The following ELAPOR1 variants were observed in gnomAD, a reference collection of about 807,000 sequenced individuals.
The protein encoded by ELAPOR1 is endosome-lysosome associated apoptosis and autophagy regulator 1.
ELAPOR1 carries 77 observed loss-of-function variants against 119.7 expected under a neutral mutation model. The ratio of observed to expected loss-of-function variants is 0.64; its 90% CI spans 0.54 to 0.78. The LOEUF (loss-of-function observed/expected upper bound fraction) is 0.78. Among genes scored for constraint, ELAPOR1 ranks in the 30% least tolerant of loss-of-function variants. The probability of loss-of-function intolerance (pLI) is 0.00; values close to 1 mark genes in which losing one functional copy is unlikely to be tolerated. For synonymous variants in ELAPOR1, 481 were observed against 487.2 expected (o/e 0.99, Z 0.17); for missense variants, 1,115 against 1,270.4 (o/e 0.88, Z 1.86).
At position 109,199,908 on chromosome 1, in the gene ELAPOR1, C is replaced by G. The variant is rs369462373; in HGVS notation, c.2556C>G (p.Ser852Arg). The change falls in exon 19 of 22, where the codon AGC becomes AGG. Residue 852 changes from serine (S) to arginine (R), a missense_variant. Transcript: ENST00000369939. ...GCAACTTCCACTTCCTGTGGGAGAG[C>G]GCGGCTGCTTGCCCGCTCTGCTCAG... ...DGCNFHFLWESAAACPLCSVA... is the reference protein window; with the variant it reads ...DGCNFHFLWERAAACPLCSVA... 2 of 1,613,806 alleles carry G rather than the reference C, an allele frequency of 1.2e-6. No individual in the cohort carries two copies. The highest frequency in any genetic ancestry group is 1.7e-5 in the Admixed American group (1 of 60,018).
chr1:109,161,634 C>T (rs1267397622), intron 1 of ELAPOR1: 1 of 287,062 alleles, frequency 3.5e-6, no homozygotes, highest in East Asian at 5.8e-5. Flanking sequence ...TCCATAAGGA[C>T]ACTACTTAAA....
chr1:109,122,637 G>A (rs561715399), intron 1 of ELAPOR1, among the ~76,000 whole-genome samples: 1 of 151,734 alleles, frequency 6.6e-6, no homozygotes, highest in African/African-American at 2.4e-5. Context: ...CTCCAGCATG[G>A]GCAACACAGT....
chr1:109,202,270 A>T (rs1450920199), intron 21 of ELAPOR1, among the ~76,000 whole-genome samples: 1 of 147,582 alleles, frequency 6.8e-6, no homozygotes, highest in Non-Finnish European at 1.5e-5. Context: ...TTGCCATCAC[A>T]CCTGGCTAAT....
intron 1 of ELAPOR1, among the ~76,000 whole-genome samples, chr1:109,154,281 CAAAAAAAAAAAAA>C (rs745938875): frequency 2.5e-5 from 1 of 39,744 alleles, no homozygotes; most frequent in African/African-American, 9.1e-5. Flanking sequence ...AACTCCGTCT[CAAAAAAAAAAAAA>C]AAAAAAAAAG....
intron 1 of ELAPOR1, among the ~76,000 whole-genome samples, chr1:109,160,305 TAA>T (rs796974154): frequency 6.3e-5 from 8 of 127,726 alleles, no homozygotes; most frequent in Non-Finnish European, 6.7e-5. Context: ...AGAGACTGTC[TAA>T]AAAAAAAAAA....
In ELAPOR1 at chr1:109,203,936, G is replaced by A. The variant is rs1570742744; in HGVS notation, c.*924G>A. The A allele has an allele frequency of 6.8e-6, 1 of 147,916 alleles. No homozygotes were observed. The highest frequency in any genetic ancestry group is 2.5e-5 in the African/African-American group (1 of 40,256). The allele number at this position is 147,916 out of a possible 1,614,324, so 9.2% of individuals were successfully genotyped here. ...AAGAGAGGCAACAAGGAATGTTTTT[G>A]TTTTTGAGACAGGCTCTCACTCTGT... On this transcript the variant is annotated 3_prime_UTR_variant, in exon 22 of 22. Coordinates refer to ENST00000369939, the MANE Select transcript of ELAPOR1 (RefSeq NM_020775.5).
At chr1:109,170,673 G>GAGTC (rs1017967289) in intron 3 of ELAPOR1, among the ~76,000 whole-genome samples, 1 of 152,202 alleles carries the variant, frequency 6.6e-6, no homozygotes, top group Non-Finnish European at 1.5e-5. Context: ...GGGCCACAGG[G>GAGTC]AGTCAGTCCC....
intron 1 of ELAPOR1, among the ~76,000 whole-genome samples, chr1:109,139,028 AG>A (rs1164633882): frequency 6.6e-6 from 1 of 152,030 alleles, no homozygotes; most frequent in Non-Finnish European, 1.5e-5. Context: ...CCTAGGAAGT[AG>A]CCCCTGTTGC....
chr1:109,149,978 G>A (rs1026675607), intron 1 of ELAPOR1, among the ~76,000 whole-genome samples: 2 of 152,206 alleles, frequency 1.3e-5, no homozygotes, highest in Admixed American at 1.3e-4. Context: ...CTGGCACATG[G>A]ATGCTTAGAG....
At chr1:109,126,003 T>A (rs994447998) in intron 1 of ELAPOR1, among the ~76,000 whole-genome samples, 1 of 152,234 alleles carries the variant, frequency 6.6e-6, no homozygotes, top group African/African-American at 2.4e-5. Context: ...TCTTTCACAT[T>A]TCCCCACTTA....
chr1:109,146,163 C>A (rs1048756866), intron 1 of ELAPOR1, among the ~76,000 whole-genome samples: 4 of 151,600 alleles, frequency 2.6e-5, no homozygotes, highest in Admixed American at 1.3e-4. Flanking sequence ...AATACACACA[C>A]AAAAAAATTA....
At chr1:109,150,238 C>G (rs1361968627) in intron 1 of ELAPOR1, among the ~76,000 whole-genome samples, 2 of 152,068 alleles carry the variant, frequency 1.3e-5, no homozygotes, top group African/African-American at 4.8e-5. Context: ...GTGGGGTAGG[C>G]CCTGCCAGGG....
intron 7 of ELAPOR1, among the ~76,000 whole-genome samples, chr1:109,183,823 C>T (rs2101091531): frequency 6.6e-6 from 1 of 152,082 alleles, no homozygotes; most frequent in East Asian, 1.9e-4. Flanking sequence ...GCTATGTTGC[C>T]CAGGCTGGTC....
chr1:109,150,601 C>G (rs1341809784), intron 1 of ELAPOR1, among the ~76,000 whole-genome samples: 3 of 152,162 alleles, frequency 2.0e-5, no homozygotes, highest in Non-Finnish European at 4.4e-5. Flanking sequence ...GCAGTTTTAC[C>G]TTTAGCAACT....
In ELAPOR1 at chr1:109,161,870, C is replaced by T. The variant is rs183818873; in HGVS notation, c.154-24C>T. The stretch of plus-strand genomic sequence containing the variant: ...GTTTGATCACTGCTAATGCACATTT[C>T]GCCCACTGTTCTCTCCCCTGCAGTC... On this transcript the variant is annotated intron_variant, in intron 1 of 21. Coordinates refer to ENST00000369939, the MANE Select transcript of ELAPOR1 (RefSeq NM_020775.5). The T allele has an allele frequency of 2.1e-4, 330 of 1,592,668 alleles. 1 individual carries two copies. The African/African-American group carries it at 3.0e-3, about 14-fold the overall frequency.
rs749269535 is a variant in ELAPOR1, at chr1:109,188,275, A to G, written c.1140A>G (p.Pro380=). 1.2e-6 allele frequency: 2 copies of G among 1,614,096 alleles called. No homozygotes were observed. The highest frequency in any genetic ancestry group is 1.7e-6 in the Non-Finnish European group (2 of 1,179,994). The change falls in exon 9 of 22, where the codon CCA becomes CCG. Residue 380 remains proline (P), a synonymous_variant. Transcript: ENST00000369939. ...LPASGVKTHC[P]PCNPGFFKTN... ...CCTCTGGTGTGAAGACCCACTGCCC[A>G]CCCTGCAACCCAGGCTTCTTCAAAA...
chr1:109,183,549 TTTCCTTCCTTCCTTCC>T (rs1187192136), intron 7 of ELAPOR1, among the ~76,000 whole-genome samples: 45 of 81,182 alleles, frequency 5.5e-4, no homozygotes, highest in African/African-American at 1.9e-3. Flanking sequence ...CTTTCTTTCT[TTTCCTTCCTTCCTTCC>T]TTCCTTCCTT....
At chr1:109,196,596 T>G (rs367836914) in intron 15 of ELAPOR1, among the ~76,000 whole-genome samples, 1 of 152,114 alleles carries the variant, frequency 6.6e-6, no homozygotes, top group African/African-American at 2.4e-5. Flanking sequence ...AACTCTATTT[T>G]ATTGTAATGT....
intron 21 of ELAPOR1, among the ~76,000 whole-genome samples, chr1:109,202,419 CA>C (rs1654232861): frequency 6.7e-6 from 1 of 149,014 alleles, no homozygotes; most frequent in Non-Finnish European, 1.5e-5. Context: ...TGTGCCTGGC[CA>C]AAAACATTTT....
Sources: allele counts gnomAD v4.1 joint callset (sites outside exome capture counted in the v4.1 genomes callset), GRCh38; gene constraint gnomAD v4.1.1; transcripts MANE v1.5; gene names NCBI Gene and HGNC (gene_info 2026-07-23, HGNC 2026-07-21).